Variants in CACTIN observed in about 807,000 individuals in gnomAD.
The protein encoded by CACTIN is cactin, spliceosome C complex subunit.
In CACTIN, 20 loss-of-function variants were observed where a neutral mutation model predicts 84.9. The observed-to-expected ratio is 0.24, with a 90% CI of 0.17 to 0.34. The LOEUF (loss-of-function observed/expected upper bound fraction) is 0.34. CACTIN is among the 10% of genes least tolerant of loss of function. The probability of loss-of-function intolerance (pLI) is 1.00; values close to 1 mark genes in which losing one functional copy is unlikely to be tolerated. For missense variants in CACTIN, 897 were observed against 1,117.2 expected (o/e 0.80, Z 2.81); for synonymous variants, 549 against 467.9 (o/e 1.17, Z -2.24).
chr19:3,620,376 G>A, intron 3 of CACTIN, 104 bp from the exon 4 acceptor site: 4 of 1,315,356 alleles, frequency 3.0e-6, no homozygotes, highest in Non-Finnish European at 4.2e-6. Context: ...AGCTGCCCTG[G>A]GCACAGGGAT....
chr19:3,624,198 G>A (rs2033288416), intron 1 of CACTIN, 36 bp from the exon 2 acceptor site: 1 of 1,497,562 alleles, frequency 6.7e-7, no homozygotes, highest in East Asian at 2.3e-5. Flanking sequence ...CTCAGTGCCT[G>A]CAGCTGTCAT....
chr19:3,612,907 G>C (rs1409573807), intron 9 of CACTIN, 151 bp downstream of exon 9: 15 of 945,554 alleles, frequency 1.6e-5, no homozygotes, highest in Non-Finnish European at 2.1e-5. Context: ...GCGCGTGCAG[G>C]TGACGGAATG....
intron 6 of CACTIN, chr19:3,616,679 A>C (rs1440631616): frequency 6.6e-6 from 1 of 152,174 alleles, no homozygotes; most frequent in Non-Finnish European, 1.5e-5. Flanking sequence ...ATAATAAAAA[A>C]ACTTTAATTT....
intron 2 of CACTIN, among the ~76,000 whole-genome samples, chr19:3,621,234 G>C (rs902362712): frequency 6.6e-6 from 1 of 152,220 alleles, no homozygotes; most frequent in Non-Finnish European, 1.5e-5. Context: ...CGTGGGACAG[G>C]GCAGGAACAG....
chr19:3,620,474 G>A (rs1295500439), intron 3 of CACTIN: 2 of 720,700 alleles, frequency 2.8e-6, no homozygotes, highest in Non-Finnish European at 4.8e-6. Context: ...ATCAGCTGGG[G>A]CCCTCTCGGC....
Position 3,620,110 on chromosome 19 carries a change from G to T in CACTIN, c.884+17C>A. On this transcript the variant is annotated intron_variant, in intron 4 of 9. Transcript: ENST00000429344. The stretch of plus-strand genomic sequence containing the variant: ...GCTCCAAGTCTGGGTCGGAGGGAGG[G>T]GGAGGCCCCAGCGCACCGCAGCTTG... 6.2e-7 allele frequency: 1 copy of T among 1,608,288 alleles called. No homozygotes were observed.
At position 3,613,236 on chromosome 19, in the gene CACTIN, CTCGCCCTCGCCCTCACCGTCCCCG is replaced by C; in HGVS notation, c.1584_1607del (p.Asp528_Gly535del). On this transcript the variant is annotated inframe_deletion, in exon 9 of 10. Coordinates refer to ENST00000429344, the MANE Select transcript of CACTIN (RefSeq NM_001080543.2). ...CCTCCTCCATGAGCACCGCCTCGCC[CTCGCCCTCGCCCTCACCGTCCCCG>C]TCGCCGTCGCCCTCTGTCGGGGTCG... 2 of 1,610,718 alleles carry C rather than the reference CTCGCCCTCGCCCTCACCGTCCCCG, an allele frequency of 1.2e-6. No individual in the cohort carries two copies. Among genetic ancestry groups the C allele is most frequent in the Non-Finnish European group, 1.7e-6 (2 of 1,179,132 alleles).
Position 3,622,363 on chromosome 19 carries a change from CA to C in CACTIN, c.642+1324del, listed in dbSNP as rs34766613. Among the ~76,000 whole-genome samples, 81 of 88,136 alleles carry C rather than the reference CA, an allele frequency of 9.2e-4. 1 individual carries two copies. Among genetic ancestry groups the C allele is most frequent in the Admixed American group, 4.1e-3 (31 of 7,630 alleles). 57.8% of individuals were successfully genotyped at this position (88,136 alleles called of 152,430 possible). A position where few individuals can be genotyped will look rare whatever the true frequency, so the allele number is the denominator to read the frequency against. The stretch of plus-strand genomic sequence containing the variant: ...TGGGCAACAGAGTGAGACTCCATCT[CA>C]AAAAAAAAAAAAAAAAAAAAGTGAT... On this transcript the variant is annotated intron_variant, in intron 2 of 9. Coordinates refer to ENST00000429344, the MANE Select transcript of CACTIN (RefSeq NM_001080543.2).
At position 3,611,796 on chromosome 19, in the gene CACTIN, G is replaced by A. The variant is rs578148169; in HGVS notation, c.*127C>T. The A allele has an allele frequency of 1.1e-5, 13 of 1,188,088 alleles. No individual in the cohort carries two copies. In the Admixed American group the frequency reaches 2.0e-4, roughly 18 times the overall value. The allele number at this position is 1,188,088 out of a possible 1,614,324, so 73.6% of individuals were successfully genotyped here. ...AACTGAGGCCTGGCGAAAGAAAGAT[G>A]CGGCCTGAGGTGGGACGTGAACCCG... On this transcript the variant is annotated 3_prime_UTR_variant, in exon 10 of 10. Transcript: ENST00000429344.
At chr19:3,618,596 G>A (rs1016414711) in intron 6 of CACTIN, among the ~76,000 whole-genome samples, 1 of 152,210 alleles carries the variant, frequency 6.6e-6, no homozygotes, top group Non-Finnish European at 1.5e-5. Context: ...GGAAAGCCCC[G>A]TGGCTCCCAT....
At position 3,619,084 on chromosome 19, in the gene CACTIN, A is replaced by G; in HGVS notation, c.1043T>C (p.Ile348Thr). Residue 348 changes from isoleucine (I) to threonine (T), a missense_variant, in exon 5 of 10, where the codon ATC becomes ACC. Around this residue, in one of 8 missense-constraint regions of CACTIN, gnomAD observed 304 missense variants for 444.3 expected, o/e 0.68. Transcript: ENST00000429344. ...VADMEDLLEDIQVYMELEQGK... is the reference protein window; with the variant it reads ...VADMEDLLEDTQVYMELEQGK... Reference sequence around the variant, plus strand: ...GCATCGGGTGGGGCTGGGTACCTGGATATCCTCCAGCAGGTCCTCCATGTC... The same window carrying G: ...GCATCGGGTGGGGCTGGGTACCTGGGTATCCTCCAGCAGGTCCTCCATGTC... 6.4e-7 allele frequency: 1 copy of G among 1,557,718 alleles called. No homozygotes were observed. The highest frequency in any genetic ancestry group is 8.7e-7 in the Non-Finnish European group (1 of 1,150,914).
At position 3,626,652 on chromosome 19, in the gene CACTIN, T is replaced by C; in HGVS notation, c.111A>G (p.Arg37=). The change falls in exon 1 of 10, where the codon CGA becomes CGG. Residue 37 remains arginine, a synonymous_variant. Coordinates refer to ENST00000429344, the MANE Select transcript of CACTIN (RefSeq NM_001080543.2). ...SRSRSHGRRN[R]RRREDEGRRR... is the part of the protein sequence containing the mutation. ...GCCGTCCCTCGTCCTCCCGGCGCCG[T>C]CGGTTTCGCCGCCCATGGCTCCTGC... The C allele has an allele frequency of 6.5e-7, 1 of 1,535,028 alleles. No homozygotes were observed. Among genetic ancestry groups the C allele is most frequent in the Non-Finnish European group, 8.7e-7 (1 of 1,149,680 alleles).
rs1269868949 is a variant in CACTIN at position 3,611,054 on chromosome 19, GAGC to G, written c.*866_*868del. The G allele has an allele frequency of 2.4e-6, 1 of 423,770 alleles. No homozygotes were observed. The highest frequency in any genetic ancestry group is 2.0e-5 in the African/African-American group (1 of 49,330). 26.3% of individuals were successfully genotyped at this position (423,770 alleles called of 1,614,324 possible). On this transcript the variant is annotated 3_prime_UTR_variant, in exon 10 of 10. Transcript: ENST00000429344. The stretch of plus-strand genomic sequence containing the variant: ...CTGGTCTCATGCTCCAAGGCCCCGT[GAGC>G]AGGCCAGGTGGGGGGATCCCTGGGG...
At chr19:3,618,299 T>C (rs2033149566) in intron 6 of CACTIN, among the ~76,000 whole-genome samples, 1 of 151,956 alleles carries the variant, frequency 6.6e-6, no homozygotes, top group Non-Finnish European at 1.5e-5. Context: ...GCCAGGGACG[T>C]TGCTCAGCAC....
intron 6 of CACTIN, among the ~76,000 whole-genome samples, chr19:3,617,932 C>T (rs1263109314): frequency 6.6e-6 from 1 of 152,184 alleles, no homozygotes; most frequent in African/African-American, 2.4e-5. Flanking sequence ...AAGAGGAAAG[C>T]CACAGGCTCT....
chr19:3,625,019 T>C (rs545519644), intron 1 of CACTIN, among the ~76,000 whole-genome samples: 57 of 152,100 alleles, frequency 3.7e-4, no homozygotes, highest in Non-Finnish European at 6.3e-4. Flanking sequence ...GCCTCCTGAG[T>C]AGCGGGGACT....
chr19:3,618,942 G>C lies in CACTIN; in HGVS notation c.1095C>G (p.Asp365Glu). ...EQGKNADFWR[D>E]MTTITEDEIS... The stretch of plus-strand genomic sequence containing the variant: ...TCTCGTCCTCGGTGATGGTGGTCAT[G>C]TCCCGCCAGAAGTCGGCGTTCTTGC... The change falls in exon 6 of 10, where the codon GAC (aspartate) becomes GAG (glutamate). Residue 365 changes from aspartate to glutamate, a missense_variant. By Grantham distance (45) the Asp-to-Glu change is conservative (BLOSUM62 2). Transcript: ENST00000429344. The C allele has an allele frequency of 3.2e-6, 5 of 1,560,094 alleles. No homozygotes were observed. Among genetic ancestry groups the C allele is most frequent in the Non-Finnish European group, 4.3e-6 (5 of 1,151,902 alleles).
At chr19:3,623,588 T>C (rs1197701584) in intron 2 of CACTIN, 100 bp downstream of exon 2, 4 of 1,098,988 alleles carry the variant, frequency 3.6e-6, no homozygotes, top group African/African-American at 3.1e-5. Context: ...AAACCAACTC[T>C]TGCACGATCA....
At chr19:3,623,222 G>A (rs372277810) in intron 2 of CACTIN, among the ~76,000 whole-genome samples, 2 of 151,944 alleles carry the variant, frequency 1.3e-5, no homozygotes, top group African/African-American at 2.4e-5. Context: ...GTGACAGAGC[G>A]AGACCCTGAG....
Sources: gnomAD v4.1 joint callset for allele counts (sites outside exome capture counted in the v4.1 genomes callset) on GRCh38, gnomAD v4.1.1 for gene constraint, gnomAD v4.1.1 regional missense constraint, MANE v1.5 for transcripts, NCBI Gene and HGNC (gene_info 2026-07-23, HGNC 2026-07-21) for gene names.